The following TSNARE1 variants were observed in gnomAD, a reference collection of about 807,000 sequenced individuals.
The protein encoded by TSNARE1 is t-SNARE domain-containing protein 1.
TSNARE1 carries 49 observed loss-of-function variants against 62.0 expected under a neutral mutation model. That is an observed-to-expected ratio of 0.79 (90% CI 0.63 to 1.00). TSNARE1 has a LOEUF of 1.00. Ranked by LOEUF, TSNARE1 falls within the 50% of genes least tolerant of loss-of-function variation. TSNARE1 has a pLI of 0.00. For synonymous variants in TSNARE1, 328 were observed against 294.4 expected (o/e 1.11, Z -1.17); for missense variants, 755 against 700.1 (o/e 1.08, Z -0.88).
intron 13 of TSNARE1, among the ~76,000 whole-genome samples, chr8:142,217,878 G>GGTCAGGCTCAGGGTGTGAGCAGA (rs1563750903): frequency 2.7e-5 from 1 of 37,196 alleles, no homozygotes; most frequent in African/African-American, 8.2e-5. Context: ...GTGTGGCCAG[G>GGTCAGGCTCAGGGTGTGAGCAGA]ATCAGGGCTC....
At chr8:142,222,819 C>CTCACTCAT (rs1816457917) in intron 13 of TSNARE1, among the ~76,000 whole-genome samples, 2 of 122,954 alleles carry the variant, frequency 1.6e-5, no homozygotes, top group Non-Finnish European at 1.6e-5. Context: ...CATTCACTCA[C>CTCACTCAT]TCACTCACTC....
rs923621104 is a variant in TSNARE1, at chr8:142,250,545, G to A, written c.1447-20966C>T. On this transcript the variant is annotated intron_variant, in intron 12 of 13. Coordinates refer to ENST00000524325, the MANE Select transcript of TSNARE1 (RefSeq NM_145003.5). ...GGCATCTGGAGCAGGTTCCAGGCCC[G>A]ATCGCAGTAGCCTGCTGCCGCTTGT... Among the ~76,000 whole-genome samples, 10 of 152,332 alleles carry A rather than the reference G, an allele frequency of 6.6e-5. No homozygotes were observed. In the East Asian group the frequency reaches 1.7e-3, roughly 26 times the overall value.
chr8:142,362,134 A>G (rs1835212730), intron 1 of TSNARE1, among the ~76,000 whole-genome samples: 2 of 152,128 alleles, frequency 1.3e-5, no homozygotes, highest in Admixed American at 1.3e-4. Context: ...CCACACCCCT[A>G]ACACAGCCTC....
intron 13 of TSNARE1, among the ~76,000 whole-genome samples, chr8:142,224,836 G>C (rs903096563): frequency 3.8e-4 from 58 of 152,270 alleles, no homozygotes; most frequent in Admixed American, 1.8e-3. Context: ...CAGTCTTGGT[G>C]GGTCTGGGCA....
intron 13 of TSNARE1, among the ~76,000 whole-genome samples, chr8:142,214,412 C>G (rs28697246): frequency 4.6e-5 from 7 of 152,036 alleles, no homozygotes; most frequent in African/African-American, 1.7e-4. Context: ...GGATGGTGCC[C>G]GTCTGTGCCC....
chr8:142,260,566 A>G (rs375872474), intron 12 of TSNARE1, among the ~76,000 whole-genome samples: 1 of 152,104 alleles, frequency 6.6e-6, no homozygotes, highest in African/African-American at 2.4e-5. Context: ...TTTAGCCACC[A>G]TCTGACCCAG....
At chr8:142,349,585 A>T (rs1318557152) in intron 2 of TSNARE1, among the ~76,000 whole-genome samples, 1 of 152,204 alleles carries the variant, frequency 6.6e-6, no homozygotes, top group African/African-American at 2.4e-5. Flanking sequence ...CTCTGCAGAG[A>T]CCTGTGGAAC....
chr8:142,251,692 G>A (rs376369618), intron 12 of TSNARE1, among the ~76,000 whole-genome samples: 98 of 151,364 alleles, frequency 6.5e-4, no homozygotes, highest in African/African-American at 2.1e-3. Flanking sequence ...CCCACCGCCC[G>A]CGTTCTCTAT....
At chr8:142,257,367 C>G (rs539504295) in intron 12 of TSNARE1, among the ~76,000 whole-genome samples, 5 of 152,226 alleles carry the variant, frequency 3.3e-5, no homozygotes, top group African/African-American at 9.6e-5. Context: ...CCCGCAAGCC[C>G]GAGGCATACT....
intron 1 of TSNARE1, chr8:142,365,988 T>A: frequency 2.4e-6 from 1 of 420,556 alleles, no homozygotes; most frequent in Non-Finnish European, 4.6e-6. Context: ...GGCTGAACAT[T>A]TCCAATGTGC....
At position 142,278,449 on chromosome 8, in the gene TSNARE1, T is replaced by G. The variant is rs1055759435; in HGVS notation, c.1364-3586A>C. The G allele has an allele frequency of 7.1e-6, 7 of 985,304 alleles. No individual in the cohort carries two copies. The African/African-American group carries it at 1.2e-4, about 17-fold the overall frequency. 61.0% of individuals were successfully genotyped at this position (985,304 alleles called of 1,614,324 possible). A position where few individuals can be genotyped will look rare whatever the true frequency, so the allele number is the denominator to read the frequency against. On this transcript the variant is annotated intron_variant, in intron 11 of 13. Transcript: ENST00000524325. ...TGCTTCCGGGGCTTCGTTCCCAAAG[T>G]CCTTCCAGCAGCTCCCAGGAAGGGG...
At chr8:142,230,310 T>C (rs759523242) in intron 12 of TSNARE1, among the ~76,000 whole-genome samples, 3 of 152,112 alleles carry the variant, frequency 2.0e-5, no homozygotes. Flanking sequence ...AAGTACCAAG[T>C]ATCCAAAGGA....
chr8:142,312,932 T>C (rs546584873), intron 9 of TSNARE1, among the ~76,000 whole-genome samples: 1 of 152,352 alleles, frequency 6.6e-6, no homozygotes, highest in South Asian at 2.1e-4. Context: ...TGCGTGCCTC[T>C]CTAGGCTTGG....
intron 1 of TSNARE1, among the ~76,000 whole-genome samples, chr8:142,386,987 T>C (rs1806125045): frequency 2.0e-5 from 3 of 152,148 alleles, no homozygotes; most frequent in South Asian, 4.1e-4. Flanking sequence ...CAAACTTCCG[T>C]AACCCAAAAC....
At chr8:142,271,088 T>C in intron 12 of TSNARE1, 11 of 985,980 alleles carry the variant, frequency 1.1e-5, no homozygotes, top group Non-Finnish European at 1.3e-5. Flanking sequence ...CGACCAGCCC[T>C]ATATCTCCTC....
At chr8:142,330,398 A>G (rs1036360957) in intron 6 of TSNARE1, among the ~76,000 whole-genome samples, 2 of 152,172 alleles carry the variant, frequency 1.3e-5, no homozygotes, top group Admixed American at 1.3e-4. Flanking sequence ...CCCCTCAAGG[A>G]AAGTCCAGTG....
At chr8:142,231,564 T>C (rs1014005701) in intron 12 of TSNARE1, among the ~76,000 whole-genome samples, 1 of 152,158 alleles carries the variant, frequency 6.6e-6, no homozygotes, top group Non-Finnish European at 1.5e-5. Flanking sequence ...TAAGGACAAC[T>C]TCAGGACACA....
intron 1 of TSNARE1, among the ~76,000 whole-genome samples, chr8:142,360,988 A>T (rs1380794088): frequency 6.6e-6 from 1 of 152,084 alleles, no homozygotes; most frequent in Non-Finnish European, 1.5e-5. Flanking sequence ...CCCTTCCCCC[A>T]GCAGATGGGA....
At chr8:142,360,293 G>C (rs1378254127) in intron 1 of TSNARE1, among the ~76,000 whole-genome samples, 1 of 152,158 alleles carries the variant, frequency 6.6e-6, no homozygotes, top group Non-Finnish European at 1.5e-5. Context: ...AGGCATGAGG[G>C]GGACACGGAG....
Sources: gnomAD v4.1 joint callset for allele counts (sites outside exome capture counted in the v4.1 genomes callset) on GRCh38, gnomAD v4.1.1 for gene constraint, MANE v1.5 for transcripts, NCBI Gene and HGNC (gene_info 2026-07-23, HGNC 2026-07-21) for gene names.